TMEM117: variants seen among roughly 807,000 people sequenced by gnomAD.
The protein encoded by TMEM117 is transmembrane protein 117.
In TMEM117, 27 loss-of-function variants were observed where a neutral mutation model predicts 52.4. That is an observed-to-expected ratio of 0.51 (90% CI 0.38 to 0.71). The LOEUF (loss-of-function observed/expected upper bound fraction) is 0.71, where lower values mean the gene tolerates loss of function less well. Ranked by LOEUF, TMEM117 falls within the 30% of genes least tolerant of loss-of-function variation. TMEM117 has a pLI of 0.00. For missense variants in TMEM117, 556 were observed against 630.5 expected, an observed-to-expected ratio of 0.88 and a Z score of 1.26; for synonymous variants, 215 against 206.3, an observed-to-expected ratio of 1.04 and a Z score of -0.36.
intron 2 of TMEM117, among the ~76,000 whole-genome samples, chr12:43,886,917 G>A (rs911309206): frequency 6.6e-6 from 1 of 152,000 alleles, no homozygotes; most frequent in South Asian, 2.1e-4. Context: ...GCGTGATCTC[G>A]GTTCACTGCA....
intron 4 of TMEM117, among the ~76,000 whole-genome samples, chr12:44,166,457 T>A (rs922539204): frequency 9.9e-5 from 15 of 152,170 alleles, no homozygotes; most frequent in African/African-American, 3.6e-4. Flanking sequence ...TCACATTGTG[T>A]TTGGACCAAA....
chr12:44,313,240 G>A (rs903488122), intron 6 of TMEM117, among the ~76,000 whole-genome samples: 2 of 152,124 alleles, frequency 1.3e-5, no homozygotes, highest in Admixed American at 6.6e-5. Flanking sequence ...TATAGCTTGA[G>A]ATTTTACATT....
At chr12:44,129,681 A>T (rs1431840385) in intron 3 of TMEM117, among the ~76,000 whole-genome samples, 1 of 152,168 alleles carries the variant, frequency 6.6e-6, no homozygotes, top group African/African-American at 2.4e-5. Flanking sequence ...TGCATTATGT[A>T]TGTAAAAATG....
At chr12:44,264,738 G>A (rs904006803) in intron 5 of TMEM117, among the ~76,000 whole-genome samples, 2 of 152,046 alleles carry the variant, frequency 1.3e-5, no homozygotes, top group African/African-American at 4.8e-5. Context: ...AAAATATAAA[G>A]ATGTGGTTTG....
intron 3 of TMEM117, among the ~76,000 whole-genome samples, chr12:44,004,991 A>G (rs553008195): frequency 2.6e-5 from 4 of 152,340 alleles, no homozygotes; most frequent in Admixed American, 6.5e-5. Context: ...CCGGACAAGT[A>G]GTAGACAAAG....
intron 2 of TMEM117, among the ~76,000 whole-genome samples, chr12:43,853,578 T>C (rs1592308128): frequency 6.6e-6 from 1 of 152,344 alleles, no homozygotes; most frequent in Admixed American, 6.5e-5. Flanking sequence ...GCTGGCCCAG[T>C]ATTGCCTTTT....
the TMEM117 span, among the ~76,000 whole-genome samples, chr12:43,802,637 T>C: frequency 6.6e-6 from 1 of 152,324 alleles, no homozygotes; most frequent in Non-Finnish European, 1.5e-5. Context: ...TAGAGTATTA[T>C]AAAAACTGTT....
chr12:44,082,540 A>G (rs899568389), intron 3 of TMEM117, among the ~76,000 whole-genome samples: 21 of 152,176 alleles, frequency 1.4e-4, no homozygotes, highest in African/African-American at 5.1e-4. Flanking sequence ...TAAATGATTG[A>G]TCGATAAAAT....
Position 44,131,491 on chromosome 12 carries a change from A to G in TMEM117, c.411-12034A>G, listed in dbSNP as rs1386393326. Reference sequence around the variant, plus strand: ...GGGGTGAGTTTTTCTCTATATATCCATTAGGCAGAGTTTGCTCATCCTCTT... The same window carrying G: ...GGGGTGAGTTTTTCTCTATATATCCGTTAGGCAGAGTTTGCTCATCCTCTT... On this transcript the variant is annotated intron_variant, in intron 3 of 7. Coordinates refer to ENST00000266534, the MANE Select transcript of TMEM117 (RefSeq NM_032256.3). Among the ~76,000 whole-genome samples, 3 of 152,092 alleles carry G rather than the reference A, an allele frequency of 2.0e-5. No homozygotes were observed. In the East Asian group the frequency reaches 5.8e-4, roughly 29 times the overall value.
At chr12:43,868,595 C>T (rs1279433557) in intron 2 of TMEM117, among the ~76,000 whole-genome samples, 1 of 149,668 alleles carries the variant, frequency 6.7e-6, no homozygotes, top group East Asian at 1.9e-4. Flanking sequence ...AAAACACACA[C>T]ACTTCAAAAT....
intron 3 of TMEM117, among the ~76,000 whole-genome samples, chr12:44,137,442 G>A (rs1948507231): frequency 6.6e-6 from 1 of 152,074 alleles, no homozygotes; most frequent in Admixed American, 6.6e-5. Context: ...AGGAGATTCT[G>A]AAATGTAAGG....
chr12:44,270,675 G>A (rs1237839066), intron 5 of TMEM117, among the ~76,000 whole-genome samples: 1 of 152,058 alleles, frequency 6.6e-6, no homozygotes, highest in East Asian at 1.9e-4. Context: ...GTGAGAGTGG[G>A]CATCCTTGTC....
chr12:44,280,485 C>A (rs2138592666), intron 5 of TMEM117, among the ~76,000 whole-genome samples: 1 of 152,228 alleles, frequency 6.6e-6, no homozygotes, highest in South Asian at 2.1e-4. Context: ...TCTTTTAGGT[C>A]CAATTTAATC....
At chr12:44,078,839 T>C (rs1033101701) in intron 3 of TMEM117, among the ~76,000 whole-genome samples, 8 of 151,984 alleles carry the variant, frequency 5.3e-5, no homozygotes, top group East Asian at 3.9e-4. Flanking sequence ...AGGTATTTCT[T>C]CTAATGCTAT....
rs186056043 is a variant in TMEM117 at position 44,033,575 on chromosome 12, T to A, written c.410+89233T>A. On this transcript the variant is annotated intron_variant, in intron 3 of 7. Coordinates refer to ENST00000266534, the MANE Select transcript of TMEM117 (RefSeq NM_032256.3). ...AAAGCCAACAAGCTCAGCTAACAGA[T>A]GAAATAAGAGGTCCAGGATTATGGA... 2.0e-4 allele frequency among the ~76,000 whole-genome samples: 31 copies of A among 152,264 alleles called. No homozygotes were observed. The East Asian group carries it at 5.8e-3, about 28-fold the overall frequency.
the TMEM117 span, among the ~76,000 whole-genome samples, chr12:43,826,722 A>G: frequency 6.6e-6 from 1 of 152,202 alleles, no homozygotes; most frequent in Non-Finnish European, 1.5e-5. Flanking sequence ...AAAGTGATTT[A>G]CTAAGTGTAA....
chr12:43,924,066 T>C (rs1451513707), intron 2 of TMEM117, among the ~76,000 whole-genome samples: 1 of 152,136 alleles, frequency 6.6e-6, no homozygotes, highest in African/African-American at 2.4e-5. Flanking sequence ...AATAAAATAA[T>C]GAATTCTGTA....
At chr12:44,107,496 T>C (rs1947977696) in intron 3 of TMEM117, among the ~76,000 whole-genome samples, 1 of 152,120 alleles carries the variant, frequency 6.6e-6, no homozygotes. Context: ...TCACATTTAA[T>C]TGAAGACTCA....
Position 44,376,806 on chromosome 12 carries a change from A to T in TMEM117, c.898+82A>T, listed in dbSNP as rs1951948509. ...CTAGTTGCTGTAAAAAGCAAGCCATAATATTTGAGAGGCATAAATACAATG... is the reference window on the plus strand; with the variant it reads ...CTAGTTGCTGTAAAAAGCAAGCCATTATATTTGAGAGGCATAAATACAATG... On this transcript the variant is annotated intron_variant, in intron 7 of 7. Transcript: ENST00000266534. 6.1e-5 allele frequency: 87 copies of T among 1,415,596 alleles called. 1 individual carries two copies. In the South Asian group the frequency reaches 1.1e-3, roughly 19 times the overall value. 87.7% of individuals were successfully genotyped at this position (1,415,596 alleles called of 1,614,324 possible).
Sources: allele counts gnomAD v4.1 joint callset (sites outside exome capture counted in the v4.1 genomes callset), GRCh38; gene constraint gnomAD v4.1.1; transcripts MANE v1.5; gene names NCBI Gene and HGNC (gene_info 2026-07-23, HGNC 2026-07-21).